Variants in EPAS1 observed in about 807,000 individuals in gnomAD.
EPAS1 encodes the protein endothelial PAS domain-containing protein 1.
A neutral mutation model predicts 87.9 loss-of-function variants in EPAS1; 23 were observed. The ratio of observed to expected loss-of-function variants is 0.26; its 90% CI spans 0.19 to 0.37. The LOEUF is 0.37. Among genes scored for constraint, EPAS1 ranks in the 10% least tolerant of loss-of-function variants. The pLI is 1.00. For synonymous variants in EPAS1, 508 were observed against 444.3 expected, an observed-to-expected ratio of 1.14 and a Z score of -1.80; for missense variants, 1,138 against 1,120.7, an observed-to-expected ratio of 1.02 and a Z score of -0.22.
intron 1 of EPAS1, among the ~76,000 whole-genome samples, chr2:46,326,554 C>G (rs933753978): frequency 1.3e-5 from 2 of 151,968 alleles, no homozygotes; most frequent in African/African-American, 4.8e-5. Context: ...TGGGGAAAAA[C>G]AAGTATTTAA....
intron 15 of EPAS1, 48 bp downstream of exon 15, chr2:46,382,646 G>A: frequency 6.2e-7 from 1 of 1,611,054 alleles, no homozygotes; most frequent in Non-Finnish European, 8.5e-7. Flanking sequence ...TTCGATGCCA[G>A]GGGAAGCCCA....
intron 1 of EPAS1, among the ~76,000 whole-genome samples, chr2:46,310,834 G>C (rs1461588112): frequency 6.6e-6 from 1 of 152,228 alleles, no homozygotes; most frequent in Admixed American, 6.5e-5. Context: ...TATAACTCCT[G>C]AGTACTTTTG....
chr2:46,376,674 C>T lies in EPAS1; in HGVS notation c.1170C>T (p.Phe390=), dbSNP rs548212027. 3 of 1,613,994 alleles carry T rather than the reference C, an allele frequency of 1.9e-6. No individual in the cohort carries two copies. Among genetic ancestry groups the T allele is most frequent in the African/African-American group, 2.7e-5 (2 of 74,898 alleles). The change falls in exon 9 of 16, where the codon TTC becomes TTT. Residue 390 remains phenylalanine, a synonymous_variant. Coordinates refer to ENST00000263734, the MANE Select transcript of EPAS1 (RefSeq NM_001430.5). Reference sequence around the variant, plus strand: ...TGTCTGAGAAGAGTAACTTCCTATTCACCAAGCTAAAGGAGGAGCCCGAGG... The same window carrying T: ...TGTCTGAGAAGAGTAACTTCCTATTTACCAAGCTAAAGGAGGAGCCCGAGG... ...GAVSEKSNFL[F]TKLKEEPEEL...
At chr2:46,338,862 G>A (rs1421665932) in intron 1 of EPAS1, among the ~76,000 whole-genome samples, 2 of 142,426 alleles carry the variant, frequency 1.4e-5, no homozygotes, top group East Asian at 4.7e-4. Context: ...TTTGTGCTCA[G>A]TAATGCTGGC....
intron 6 of EPAS1, 132 bp from the exon 7 acceptor site, chr2:46,369,692 TACA>T (rs1345385221): frequency 4.2e-6 from 3 of 708,076 alleles, no homozygotes; most frequent in Admixed American, 4.1e-5. Context: ...GGATACATGG[TACA>T]ACAAGAAAGT....
intron 1 of EPAS1, among the ~76,000 whole-genome samples, chr2:46,302,734 GAAAAAA>G (rs368452487): frequency 3.0e-4 from 36 of 119,546 alleles, no homozygotes; most frequent in African/African-American, 9.2e-4. Context: ...GTCTGATTAG[GAAAAAA>G]AAAAAAAAAA....
chr2:46,341,548 A>AT (rs1683913909), intron 1 of EPAS1, among the ~76,000 whole-genome samples: 1 of 152,226 alleles, frequency 6.6e-6, no homozygotes, highest in Non-Finnish European at 1.5e-5. Context: ...CCTATTAGCC[A>AT]TAGCATCTGG....
intron 1 of EPAS1, among the ~76,000 whole-genome samples, chr2:46,326,943 T>C (rs1683575265): frequency 6.6e-6 from 1 of 152,194 alleles, no homozygotes. Context: ...AGTTGTGGTA[T>C]CTTGGAGAAG....
Position 46,351,438 on chromosome 2 carries a change from G to A in EPAS1, c.217+4375G>A, listed in dbSNP as rs563566344. Among the ~76,000 whole-genome samples, 11 of 152,282 alleles carry A rather than the reference G, an allele frequency of 7.2e-5. No homozygotes were observed. The East Asian group carries it at 1.9e-3, about 27-fold the overall frequency. On this transcript the variant is annotated intron_variant, in intron 2 of 15. Transcript: ENST00000263734. ...GAAGGACACAGTGCCTTCTGTCAAA[G>A]GCATCAGAGGAGCCCAGGCCTGCTA...
At chr2:46,373,667 G>C (rs958617502) in intron 7 of EPAS1, among the ~76,000 whole-genome samples, 5 of 152,210 alleles carry the variant, frequency 3.3e-5, no homozygotes, top group African/African-American at 1.2e-4. Flanking sequence ...AAAAAATGGG[G>C]TGGTGGGGGC....
chr2:46,316,763 T>TG (rs1449127210), intron 1 of EPAS1, among the ~76,000 whole-genome samples: 1 of 152,096 alleles, frequency 6.6e-6, no homozygotes, highest in African/African-American at 2.4e-5. Context: ...AATGAAGTTT[T>TG]TTACATCAAT....
chr2:46,372,604 T>C (rs1345104345), intron 7 of EPAS1, among the ~76,000 whole-genome samples: 1 of 152,250 alleles, frequency 6.6e-6, no homozygotes, highest in South Asian at 2.1e-4. Flanking sequence ...GAGGATATTA[T>C]GTGCTTTTAG....
intron 4 of EPAS1, 142 bp downstream of exon 4, chr2:46,356,950 C>T: frequency 2.9e-6 from 2 of 689,634 alleles, no homozygotes; most frequent in South Asian, 3.0e-5. Flanking sequence ...AAGTATGTAG[C>T]CTGTGAGATG....
intron 1 of EPAS1, among the ~76,000 whole-genome samples, chr2:46,343,373 G>C (rs925860234): frequency 5.9e-5 from 9 of 152,202 alleles, no homozygotes; most frequent in African/African-American, 1.4e-4. Flanking sequence ...TGAGCATCCA[G>C]GTTGTGGGAA....
Position 46,369,837 on chromosome 2 carries a change from C to T in EPAS1, c.790C>T (p.Leu264=), listed in dbSNP as rs199738228. ...TTTTTAAAAACTCAGAATCACAGAA[C>T]TGATTGGTTACCACCCTGAGGAGCT... The part of the protein sequence containing the change: ...FTYCDDRITE[L]IGYHPEELLG... The change falls in exon 7 of 16, where the codon CTG becomes TTG. Residue 264 remains leucine, a synonymous_variant. Coordinates refer to ENST00000263734, the MANE Select transcript of EPAS1 (RefSeq NM_001430.5). 1.2e-6 allele frequency: 2 copies of T among 1,612,610 alleles called. No individual in the cohort carries two copies. The highest frequency in any genetic ancestry group is 1.7e-5 in the Admixed American group (1 of 59,854).
chr2:46,324,281 A>C (rs772952070), intron 1 of EPAS1, among the ~76,000 whole-genome samples: 6 of 152,106 alleles, frequency 3.9e-5, no homozygotes, highest in Non-Finnish European at 7.4e-5. Context: ...GTTAGCCAGG[A>C]TGGTCTCGAT....
At chr2:46,367,861 T>G (rs1009596382) in intron 6 of EPAS1, among the ~76,000 whole-genome samples, 1 of 152,122 alleles carries the variant, frequency 6.6e-6, no homozygotes, top group Non-Finnish European at 1.5e-5. Flanking sequence ...ACTTACAGAA[T>G]GAAGAAAGGA....
chr2:46,302,029 T>C (rs1194230352), intron 1 of EPAS1, among the ~76,000 whole-genome samples: 1 of 151,986 alleles, frequency 6.6e-6, no homozygotes, highest in African/African-American at 2.4e-5. Context: ...GCTAGATTGA[T>C]TTTTGTACTG....
intron 9 of EPAS1, 32 bp from the exon 10 acceptor site, chr2:46,377,862 G>C (rs1684791029): frequency 1.3e-6 from 2 of 1,551,680 alleles, no homozygotes; most frequent in African/African-American, 2.7e-5. Context: ...GATGGTTGTG[G>C]GTGTTCACCT....
Sources: gnomAD v4.1 joint callset for allele counts (sites outside exome capture counted in the v4.1 genomes callset) on GRCh38, gnomAD v4.1.1 for gene constraint, MANE v1.5 for transcripts, NCBI Gene and HGNC (gene_info 2026-07-23, HGNC 2026-07-21) for gene names.